NCOA6: variants seen among roughly 807,000 people sequenced by gnomAD.
The protein encoded by NCOA6 is NRC RAP250.
Under a neutral mutation model 171.4 loss-of-function variants are expected in NCOA6, and 49 were observed. That is an observed-to-expected ratio of 0.29 (90% CI 0.23 to 0.36). The LOEUF (loss-of-function observed/expected upper bound fraction) is 0.36. Among genes scored for constraint, NCOA6 ranks in the 10% least tolerant of loss-of-function variants. The probability of loss-of-function intolerance (pLI) is 1.00; values close to 1 mark genes in which losing one functional copy is unlikely to be tolerated. For missense variants in NCOA6, 2,248 were observed against 2,554.5 expected (o/e 0.88, Z 2.59); for synonymous variants, 910 against 927.5 (o/e 0.98, Z 0.34).
intron 1 of NCOA6, among the ~76,000 whole-genome samples, chr20:34,824,621 C>T (rs1215138593): frequency 1.3e-5 from 2 of 152,190 alleles, no homozygotes; most frequent in African/African-American, 2.4e-5. Flanking sequence ...AGGTTCTCTC[C>T]TTCCTTGCCA....
chr20:34,825,145 C>A (rs1369842559), intron 1 of NCOA6, among the ~76,000 whole-genome samples: 1 of 152,054 alleles, frequency 6.6e-6, no homozygotes, highest in Non-Finnish European at 1.5e-5. Flanking sequence ...TGGAGCGCCA[C>A]CCCGTGCAGA....
Position 34,742,764 on chromosome 20 carries a change from T to C in NCOA6, c.3492A>G (p.Thr1164=), listed in dbSNP as rs576360808. 3.7e-6 allele frequency: 6 copies of C among 1,614,170 alleles called. No individual in the cohort carries two copies. Among genetic ancestry groups the C allele is most frequent in the Admixed American group, 1.7e-5 (1 of 60,020 alleles). ...VVLPQNQLMM[T]GPKPGPSPLS... is the part of the protein sequence containing the mutation. ...GGGGCGATGGTCCAGGTTTTGGCCC[T>C]GTCATCATTAACTGATTCTGGGGAA... The change falls in exon 11 of 15, where the codon ACA becomes ACG. Residue 1164 remains threonine (T), a synonymous_variant. Coordinates refer to ENST00000359003, the MANE Select transcript of NCOA6 (RefSeq NM_014071.5).
At chr20:34,802,312 C>T (rs991811423) in intron 1 of NCOA6, among the ~76,000 whole-genome samples, 2 of 152,112 alleles carry the variant, frequency 1.3e-5, no homozygotes, top group African/African-American at 4.8e-5. Context: ...ACTAAAAATA[C>T]AAAATTAGCC....
intron 1 of NCOA6, among the ~76,000 whole-genome samples, chr20:34,800,159 T>C (rs1409662557): frequency 1.3e-5 from 2 of 152,132 alleles, no homozygotes; most frequent in East Asian, 3.8e-4. Context: ...TTGTTATCAG[T>C]TTAAAATAAT....
At chr20:34,736,878 CA>C in intron 11 of NCOA6, 120 bp from the exon 12 acceptor site, 1 of 773,504 alleles carries the variant, frequency 1.3e-6, no homozygotes, top group Non-Finnish European at 1.9e-6. Flanking sequence ...GGGCAGTACT[CA>C]AAATTGGCCT....
At position 34,746,865 on chromosome 20, in the gene NCOA6, T is replaced by C; in HGVS notation, c.2856A>G (p.Gln952=). 1.2e-6 allele frequency: 2 copies of C among 1,609,804 alleles called. No homozygotes were observed. The highest frequency in any genetic ancestry group is 1.7e-6 in the Non-Finnish European group (2 of 1,177,248). Residue 952 remains glutamine, a synonymous_variant, in exon 10 of 15, where the codon CAA becomes CAG. Transcript: ENST00000359003. ...EADQPPLPGE[Q]GINLDNSGPK... ...GGCCTGAGTTATCCAAGTTAATTCC[T>C]TGTTCTCCAGGCAACGGTGGCTGAT...
At chr20:34,736,867 A>T in intron 11 of NCOA6, 109 bp from the exon 12 acceptor site, 1 of 913,526 alleles carries the variant, frequency 1.1e-6, no homozygotes, top group South Asian at 2.1e-5. Flanking sequence ...GTACTCTTAG[A>T]GGGCAGTACT....
At chr20:34,778,065 C>A (rs148514288) in intron 3 of NCOA6, among the ~76,000 whole-genome samples, 1,940 of 152,236 alleles carry the variant, frequency 0.013, 21 homozygotes, top group Non-Finnish European at 0.021. Flanking sequence ...CCACCACGCC[C>A]AGCTAATTTT....
intron 1 of NCOA6, among the ~76,000 whole-genome samples, chr20:34,819,141 C>T (rs2078929997): frequency 1.3e-5 from 2 of 152,032 alleles, no homozygotes; most frequent in African/African-American, 2.4e-5. Context: ...TCTGGCCATC[C>T]CCCCCACCAT....
In NCOA6 at chr20:34,749,906, T is replaced by TGACATCTGTCCC. The variant is rs1568768637; in HGVS notation, c.2277_2288dup (p.Ser763_Met766dup). 2 of 1,614,234 alleles carry TGACATCTGTCCC rather than the reference T, an allele frequency of 1.2e-6. No individual in the cohort carries two copies. Among genetic ancestry groups the TGACATCTGTCCC allele is most frequent in the East Asian group, 2.2e-5 (1 of 44,880 alleles). On this transcript the variant is annotated inframe_insertion, in exon 9 of 15. Transcript: ENST00000359003. ...GCCCTTGCTGGGGCAGCATCTGTCC[T>TGACATCTGTCCC]GACATCTGTCCCGTAAACTGCACCA...
At chr20:34,770,658 T>C (rs1250575797) in intron 4 of NCOA6, among the ~76,000 whole-genome samples, 2 of 148,744 alleles carry the variant, frequency 1.3e-5, no homozygotes, top group Non-Finnish European at 3.0e-5. Flanking sequence ...TGAATCGGAG[T>C]GTCTCACTGT....
At position 34,729,891 on chromosome 20, in the gene NCOA6, G is replaced by A. The variant is rs1046259992; in HGVS notation, c.6000-2484C>T. On this transcript the variant is annotated intron_variant, in intron 13 of 14. Coordinates refer to ENST00000359003, the MANE Select transcript of NCOA6 (RefSeq NM_014071.5). ...TCCCATAGCTTTATGTATAACAGCCGCCCGACACCCAACCATAAGCCAAGG... is the reference window on the plus strand; with the variant it reads ...TCCCATAGCTTTATGTATAACAGCCACCCGACACCCAACCATAAGCCAAGG... Among the ~76,000 whole-genome samples, 42 of 152,110 alleles carry A rather than the reference G, an allele frequency of 2.8e-4. 1 individual carries two copies. The highest frequency in any genetic ancestry group is 5.0e-4 in the Non-Finnish European group (34 of 67,986).
chr20:34,811,523 AT>A (rs1437815522), intron 1 of NCOA6, among the ~76,000 whole-genome samples: 1 of 152,056 alleles, frequency 6.6e-6, no homozygotes, highest in African/African-American at 2.4e-5. Flanking sequence ...AACATGAGTT[AT>A]TTTTATGAGA....
intron 2 of NCOA6, among the ~76,000 whole-genome samples, chr20:34,782,637 A>AT (rs1228190792): frequency 6.6e-6 from 1 of 152,200 alleles, no homozygotes; most frequent in African/African-American, 2.4e-5. Flanking sequence ...TTATTATGTT[A>AT]TATGCTACTT....
At chr20:34,794,880 G>T (rs1033180159) in intron 1 of NCOA6, among the ~76,000 whole-genome samples, 2 of 151,994 alleles carry the variant, frequency 1.3e-5, no homozygotes, top group Non-Finnish European at 2.9e-5. Context: ...TTGATATCAT[G>T]AATAAGAATC....
Position 34,742,963 on chromosome 20 carries a change from G to A in NCOA6, c.3293C>T (p.Pro1098Leu). The part of the protein sequence containing the change: ...VPPSPDKQRM[P>L]MPVNTPLGSN... Reference sequence around the variant, plus strand: ...TCCCAAGGGAGTATTCACAGGCATTGGCATTCTTTGTTTATCAGGTGATGG... The same window carrying A: ...TCCCAAGGGAGTATTCACAGGCATTAGCATTCTTTGTTTATCAGGTGATGG... Residue 1098 changes from proline to leucine, a missense_variant, in exon 11 of 15, where the codon CCA becomes CTA. Physicochemically the swap from Pro to Leu is moderately conservative, Grantham distance 98. This residue lies in a region of NCOA6 where 352 missense variants were observed against 419.1 expected (regional missense o/e 0.84). Transcript: ENST00000359003. 1 of 1,613,894 alleles carries A rather than the reference G, an allele frequency of 6.2e-7. No homozygotes were observed. Among genetic ancestry groups the A allele is most frequent in the Non-Finnish European group, 8.5e-7 (1 of 1,179,820 alleles).
intron 3 of NCOA6, among the ~76,000 whole-genome samples, chr20:34,778,886 G>C (rs1451471242): frequency 1.3e-5 from 2 of 150,358 alleles, no homozygotes; most frequent in African/African-American, 4.9e-5. Context: ...GTGAACCCGG[G>C]AGACGGAGCT....
At chr20:34,777,286 GA>G (rs2077358099) in intron 3 of NCOA6, among the ~76,000 whole-genome samples, 1 of 151,920 alleles carries the variant, frequency 6.6e-6, no homozygotes, top group Non-Finnish European at 1.5e-5. Context: ...CAAAACCACA[GA>G]AAATAAACAA....
In NCOA6 at chr20:34,783,622, CATTG is replaced by C. The variant is rs10640098; in HGVS notation, c.-49-1222_-49-1219del. 8.5e-5 allele frequency among the ~76,000 whole-genome samples: 13 copies of C among 152,196 alleles called. No homozygotes were observed. In the South Asian group the frequency reaches 1.0e-3, roughly 12 times the overall value. ...CCTTATAATTTTAACTATAATACAA[CATTG>C]ATTGATTGATTGATTGAGACAGAGT... On this transcript the variant is annotated intron_variant, in intron 2 of 14. Transcript: ENST00000359003.
Sources: gnomAD v4.1 joint callset for allele counts (sites outside exome capture counted in the v4.1 genomes callset) on GRCh38, gnomAD v4.1.1 for gene constraint, gnomAD v4.1.1 regional missense constraint, MANE v1.5 for transcripts, NCBI Gene and HGNC (gene_info 2026-07-23, HGNC 2026-07-21) for gene names.